CNTNAP2: variants seen among roughly 807,000 people sequenced by gnomAD.
CNTNAP2 encodes the protein contactin associated protein 2.
Under a neutral mutation model 155.2 loss-of-function variants are expected in CNTNAP2, and 98 were observed. That is an observed-to-expected ratio of 0.63 (90% CI 0.54 to 0.75). CNTNAP2 has a LOEUF of 0.75. Among genes scored for constraint, CNTNAP2 ranks in the 30% least tolerant of loss-of-function variants. The probability of loss-of-function intolerance (pLI) is 0.00; values close to 1 mark genes in which losing one functional copy is unlikely to be tolerated. For missense variants in CNTNAP2, 1,727 were observed against 1,688.1 expected (o/e 1.02, Z -0.40); for synonymous variants, 651 against 631.2 (o/e 1.03, Z -0.47).
At chr7:146,282,684 C>T (rs574460997) in intron 1 of CNTNAP2, among the ~76,000 whole-genome samples, 7 of 152,072 alleles carry the variant, frequency 4.6e-5, no homozygotes, top group South Asian at 2.1e-4. Flanking sequence ...TCAGTGATAC[C>T]GTTCCCTATC....
intron 22 of CNTNAP2, among the ~76,000 whole-genome samples, chr7:148,389,456 C>T (rs1441975927): frequency 3.9e-5 from 6 of 152,198 alleles, no homozygotes; most frequent in Non-Finnish European, 8.8e-5. Flanking sequence ...CCGTGTGGAA[C>T]TGGGAGTCCA....
At chr7:147,912,941 G>A (rs1585024779) in intron 14 of CNTNAP2, among the ~76,000 whole-genome samples, 1 of 152,324 alleles carries the variant, frequency 6.6e-6, no homozygotes, top group East Asian at 1.9e-4. Flanking sequence ...TGGGACCTGG[G>A]TTTGTTGAGT....
chr7:146,622,162 TAC>T (rs201065097), intron 1 of CNTNAP2, among the ~76,000 whole-genome samples: 3,383 of 145,532 alleles, frequency 0.023, 49 homozygotes, highest in Middle Eastern at 0.043. Flanking sequence ...TATATATATA[TAC>T]ACACACGTAT....
intron 14 of CNTNAP2, among the ~76,000 whole-genome samples, chr7:147,916,577 A>G (rs988077383): frequency 1.7e-5 from 2 of 120,940 alleles, no homozygotes; most frequent in African/African-American, 6.9e-5. Flanking sequence ...AAGATTCAAA[A>G]GAGCTTTTTT....
At chr7:146,532,695 A>G (rs1020146045) in intron 1 of CNTNAP2, among the ~76,000 whole-genome samples, 1 of 152,070 alleles carries the variant, frequency 6.6e-6, no homozygotes, top group Non-Finnish European at 1.5e-5. Flanking sequence ...CCGAAACTAA[A>G]TGTACCCCCA....
chr7:148,163,994 G>C (rs1397967608), intron 17 of CNTNAP2, among the ~76,000 whole-genome samples: 2 of 152,160 alleles, frequency 1.3e-5, no homozygotes, highest in African/African-American at 4.8e-5. Flanking sequence ...GAGTGCCGTG[G>C]CACAATCTCG....
chr7:146,155,177 C>T (rs1798106450), intron 1 of CNTNAP2, among the ~76,000 whole-genome samples: 1 of 152,186 alleles, frequency 6.6e-6, no homozygotes, highest in Non-Finnish European at 1.5e-5. Context: ...TTTTAATCTA[C>T]TTGTACCTGA....
At chr7:147,967,811 C>T (rs1801248602) in intron 14 of CNTNAP2, among the ~76,000 whole-genome samples, 1 of 152,100 alleles carries the variant, frequency 6.6e-6, no homozygotes, top group Admixed American at 6.6e-5. Context: ...CTTTGCAAAT[C>T]TAAGTCTTGT....
chr7:146,701,954 G>T (rs935533380), intron 1 of CNTNAP2, among the ~76,000 whole-genome samples: 9 of 152,176 alleles, frequency 5.9e-5, no homozygotes, highest in African/African-American at 2.2e-4. Context: ...ACAAAAGGAA[G>T]TTACAACAAT....
chr7:147,302,311 C>A (rs1258963676), intron 9 of CNTNAP2, among the ~76,000 whole-genome samples: 4 of 152,136 alleles, frequency 2.6e-5, no homozygotes, highest in African/African-American at 9.7e-5. Context: ...CAGTTTTTAT[C>A]GATTTCAATC....
At chr7:148,237,423 G>C (rs1421262785) in intron 20 of CNTNAP2, among the ~76,000 whole-genome samples, 1 of 152,232 alleles carries the variant, frequency 6.6e-6, no homozygotes, top group East Asian at 1.9e-4. Context: ...TGGGGGGCAA[G>C]AGAGGACATG....
chr7:148,345,662 C>A (rs780557270), intron 21 of CNTNAP2, among the ~76,000 whole-genome samples: 1 of 152,114 alleles, frequency 6.6e-6, no homozygotes, highest in Non-Finnish European at 1.5e-5. Context: ...GGATTACAGG[C>A]GTGAGCCACC....
intron 16 of CNTNAP2, among the ~76,000 whole-genome samples, chr7:148,137,891 C>A (rs2051673701): frequency 6.6e-6 from 1 of 152,180 alleles, no homozygotes; most frequent in African/African-American, 2.4e-5. Context: ...GAATCAATCT[C>A]TTTTTATACT....
chr7:147,327,644 G>A (rs989586262), intron 9 of CNTNAP2, among the ~76,000 whole-genome samples: 7 of 152,102 alleles, frequency 4.6e-5, no homozygotes, highest in Non-Finnish European at 8.8e-5. Flanking sequence ...AATTATGAAT[G>A]TGCATTATTT....
intron 9 of CNTNAP2, among the ~76,000 whole-genome samples, chr7:147,344,709 T>C (rs1203952204): frequency 1.3e-5 from 2 of 152,210 alleles, no homozygotes; most frequent in Non-Finnish European, 2.9e-5. Context: ...TTTCTCCTAC[T>C]TGTCTTAGTT....
chr7:148,075,392 G>T (rs1409415034), intron 15 of CNTNAP2, among the ~76,000 whole-genome samples: 3 of 151,916 alleles, frequency 2.0e-5, no homozygotes, highest in Admixed American at 2.0e-4. Flanking sequence ...AGCTGAGATC[G>T]TGCCACTGCA....
In CNTNAP2 at chr7:147,643,567, G is replaced by A. The variant is rs1050964906; in HGVS notation, c.2098+4261G>A. ...ATTGATTTTTTTTTCCTCCTTCATGGTAACATTCAATTTTAAATATCCATT... is the reference window on the plus strand; with the variant it reads ...ATTGATTTTTTTTTCCTCCTTCATGATAACATTCAATTTTAAATATCCATT... On this transcript the variant is annotated intron_variant, in intron 13 of 23. Transcript: ENST00000361727. 45 of 151,982 alleles carry A rather than the reference G, an allele frequency of 3.0e-4. 1 individual carries two copies. The highest frequency in any genetic ancestry group is 1.1e-3 in the African/African-American group (45 of 41,482). The allele number at this position is 151,982 out of a possible 1,614,324, so 9.4% of individuals were successfully genotyped here. A position where few individuals can be genotyped will look rare whatever the true frequency, so the allele number is the denominator to read the frequency against.
At chr7:148,091,580 C>A (rs1585120519) in intron 15 of CNTNAP2, among the ~76,000 whole-genome samples, 1 of 152,024 alleles carries the variant, frequency 6.6e-6, no homozygotes, top group Non-Finnish European at 1.5e-5. Context: ...CAACAAATAG[C>A]AATGTTTGTT....
Position 147,562,195 on chromosome 7 carries a change from A to G in CNTNAP2, c.1835A>G (p.Tyr612Cys). 3 of 1,614,064 alleles carry G rather than the reference A, an allele frequency of 1.9e-6. No individual in the cohort carries two copies. The highest frequency in any genetic ancestry group is 2.5e-6 in the Non-Finnish European group (3 of 1,179,944). ...YKHLGQTSNY[Y>C]WIDPDGSGPL... ...CACCTAGGACAGACATCAAATTATT[A>G]CTGGATAGATCCTGATGGCAGCGGA... is the stretch of plus-strand genomic sequence containing the variant. Residue 612 changes from tyrosine (Y) to cysteine (C), a missense_variant, in exon 12 of 24, where the codon TAC becomes TGC. Physicochemically the swap from Tyr to Cys is radical, Grantham distance 194 (BLOSUM62 -2). Transcript: ENST00000361727.
Sources: gnomAD v4.1 joint callset for allele counts (sites outside exome capture counted in the v4.1 genomes callset) on GRCh38, gnomAD v4.1.1 for gene constraint, MANE v1.5 for transcripts, NCBI Gene and HGNC (gene_info 2026-07-23, HGNC 2026-07-21) for gene names.